Variants in RERE observed in about 807,000 individuals in gnomAD.
The protein encoded by RERE is arginine-glutamic acid dipeptide repeats protein.
A neutral mutation model predicts 146.1 loss-of-function variants in RERE; 40 were observed. The ratio of observed to expected loss-of-function variants is 0.27; its 90% confidence interval spans 0.21 to 0.36. RERE has a LOEUF of 0.36. Among genes scored for constraint, RERE ranks in the 10% least tolerant of loss-of-function variants. The probability of loss-of-function intolerance (pLI) is 1.00; values close to 1 mark genes in which losing one functional copy is unlikely to be tolerated. For synonymous variants in RERE, 1,003 were observed against 866.0 expected (o/e 1.16, Z -2.78); for missense variants, 1,933 against 2,138.7 (o/e 0.90, Z 1.90).
chr1:8,458,770 A>G (rs1469076982), intron 11 of RERE, among the ~76,000 whole-genome samples: 2 of 152,248 alleles, frequency 1.3e-5, no homozygotes, highest in Non-Finnish European at 2.9e-5. Flanking sequence ...TGACCACAGC[A>G]TAAAGAGGAA....
At position 8,543,802 on chromosome 1, in the gene RERE, C is replaced by T. The variant is rs531208279; in HGVS notation, c.726-2484G>A. On this transcript the variant is annotated intron_variant, in intron 6 of 22. Coordinates refer to ENST00000400908, the MANE Select transcript of RERE (RefSeq NM_001042681.2). Reference sequence around the variant, plus strand: ...AAGAAACTACTGGCTTACAGAAAGCCAAAAGCAACAGGAATAGAAGCATTT... The same window carrying T: ...AAGAAACTACTGGCTTACAGAAAGCTAAAAGCAACAGGAATAGAAGCATTT... 1.6e-4 allele frequency among the ~76,000 whole-genome samples: 24 copies of T among 151,914 alleles called. No homozygotes were observed. In the South Asian group the frequency reaches 4.4e-3, roughly 28 times the overall value.
chr1:8,681,553 A>T (rs1230222972), intron 1 of RERE, among the ~76,000 whole-genome samples: 1 of 152,232 alleles, frequency 6.6e-6, no homozygotes, highest in East Asian at 1.9e-4. Context: ...TAAATACAAA[A>T]TATGAGTTGA....
At chr1:8,647,909 G>C (rs1232381258) in intron 2 of RERE, among the ~76,000 whole-genome samples, 1 of 152,146 alleles carries the variant, frequency 6.6e-6, no homozygotes, top group African/African-American at 2.4e-5. Context: ...TGATTGAATG[G>C]AAATTTTCCA....
chr1:8,508,785 G>A, intron 7 of RERE, 110 bp from the exon 8 acceptor site: 3 of 872,678 alleles, frequency 3.4e-6, no homozygotes, highest in Non-Finnish European at 3.7e-6. Context: ...AAAAACTGAG[G>A]AAGAATTAAC....
intron 8 of RERE, among the ~76,000 whole-genome samples, chr1:8,500,905 T>C (rs1366914557): frequency 6.7e-6 from 1 of 148,242 alleles, no homozygotes; most frequent in Non-Finnish European, 1.5e-5. Context: ...GGCCGCCCCG[T>C]CTGAGAAGTG....
chr1:8,593,614 T>G (rs528577333), intron 4 of RERE, among the ~76,000 whole-genome samples: 3 of 152,354 alleles, frequency 2.0e-5, no homozygotes, highest in Non-Finnish European at 2.9e-5. Context: ...ATTAGCAGCA[T>G]GAGAACAGAC....
chr1:8,447,589 C>T (rs897745458), intron 11 of RERE, among the ~76,000 whole-genome samples: 1 of 152,158 alleles, frequency 6.6e-6, no homozygotes, highest in African/African-American at 2.4e-5. Flanking sequence ...TCTGGAGGTC[C>T]ACTTCAGAAC....
intron 12 of RERE, among the ~76,000 whole-genome samples, chr1:8,384,557 G>A (rs546603782): frequency 3.3e-5 from 5 of 152,284 alleles, no homozygotes; most frequent in African/African-American, 7.2e-5. Flanking sequence ...AAAGGTGAGC[G>A]GTTGTATGCT....
chr1:8,417,566 C>T (rs1643811338), intron 12 of RERE, among the ~76,000 whole-genome samples: 1 of 152,182 alleles, frequency 6.6e-6, no homozygotes, highest in East Asian at 1.9e-4. Flanking sequence ...GCAGGCTTCC[C>T]TTCCCATTAA....
intron 2 of RERE, among the ~76,000 whole-genome samples, chr1:8,625,695 C>T (rs1284301406): frequency 2.6e-5 from 4 of 152,148 alleles, no homozygotes; most frequent in Non-Finnish European, 5.9e-5. Context: ...CTGGCAACTT[C>T]CTCTATTGTC....
chr1:8,579,185 C>A (rs1646333262), intron 4 of RERE, among the ~76,000 whole-genome samples: 1 of 152,204 alleles, frequency 6.6e-6, no homozygotes, highest in Admixed American at 6.5e-5. Context: ...CGTAGAAATG[C>A]ACATTCCAGC....
intron 2 of RERE, among the ~76,000 whole-genome samples, chr1:8,655,601 T>G (rs1638259942): frequency 6.9e-6 from 1 of 145,722 alleles, no homozygotes; most frequent in South Asian, 2.1e-4. Flanking sequence ...TTTACTTGTC[T>G]CCACCAAGCA....
chr1:8,513,021 C>T (rs986908704), intron 7 of RERE: 1 of 152,226 alleles, frequency 6.6e-6, no homozygotes, highest in Non-Finnish European at 1.5e-5. Context: ...CCCTCAAGCA[C>T]CACGAGGAGC....
chr1:8,793,420 T>A (rs1641405310), intron 1 of RERE, among the ~76,000 whole-genome samples: 1 of 152,120 alleles, frequency 6.6e-6, no homozygotes, highest in Non-Finnish European at 1.5e-5. Flanking sequence ...ATGTCTTGGA[T>A]TTCAAAGCCA....
intron 11 of RERE, among the ~76,000 whole-genome samples, chr1:8,425,960 C>T (rs938158929): frequency 1.3e-5 from 2 of 152,128 alleles, no homozygotes; most frequent in African/African-American, 4.8e-5. Flanking sequence ...AGCTGAGGCA[C>T]AGATAGGTAA....
chr1:8,609,345 T>C (rs1275818929), intron 4 of RERE, among the ~76,000 whole-genome samples: 1 of 152,194 alleles, frequency 6.6e-6, no homozygotes, highest in Non-Finnish European at 1.5e-5. Flanking sequence ...CAGTCAGCCT[T>C]GGCATTATAG....
At chr1:8,673,365 G>C (rs182901656) in intron 1 of RERE, among the ~76,000 whole-genome samples, 2 of 152,254 alleles carry the variant, frequency 1.3e-5, no homozygotes, top group Admixed American at 1.3e-4. Context: ...CAAAGTGCTG[G>C]GATTACAGGC....
chr1:8,494,462 C>T (rs1222382018), intron 10 of RERE, among the ~76,000 whole-genome samples: 1 of 152,140 alleles, frequency 6.6e-6, no homozygotes, highest in Middle Eastern at 3.4e-3. Context: ...CGTGGTGGCT[C>T]ACGCCTGTAA....
chr1:8,768,410 C>T (rs1640886549), intron 1 of RERE, among the ~76,000 whole-genome samples: 1 of 152,096 alleles, frequency 6.6e-6, no homozygotes, highest in Non-Finnish European at 1.5e-5. Flanking sequence ...TGTCCTTTTT[C>T]TCTAATCCTT....
Sources: gnomAD v4.1 joint callset for allele counts (sites outside exome capture counted in the v4.1 genomes callset) on GRCh38, gnomAD v4.1.1 for gene constraint, MANE v1.5 for transcripts, NCBI Gene and HGNC (gene_info 2026-07-23, HGNC 2026-07-21) for gene names.